RALB: variants seen among roughly 807,000 people sequenced by gnomAD.
RALB encodes ras-related protein Ral-B.
RALB carries 16 observed loss-of-function variants against 21.3 expected under a neutral mutation model. The observed-to-expected ratio is 0.75, with a 90% CI of 0.51 to 1.14. The LOEUF (loss-of-function observed/expected upper bound fraction) is 1.14. RALB is among the 50% of genes most tolerant of loss of function. RALB has a pLI of 0.00. For missense variants in RALB, 161 were observed against 256.2 expected, an observed-to-expected ratio of 0.63 and a Z score of 2.54; for synonymous variants, 93 against 96.1, an observed-to-expected ratio of 0.97 and a Z score of 0.19.
intron 1 of RALB, among the ~76,000 whole-genome samples, chr2:120,246,260 C>T (rs1372813275): frequency 1.3e-5 from 2 of 152,160 alleles, no homozygotes; most frequent in African/African-American, 4.8e-5. Flanking sequence ...TGGCCCATGG[C>T]ACTGCCCCTC....
At chr2:120,242,170 T>C (rs1209007590) in intron 1 of RALB, among the ~76,000 whole-genome samples, 1 of 152,150 alleles carries the variant, frequency 6.6e-6, no homozygotes, top group African/African-American at 2.4e-5. Flanking sequence ...AGACAAATAC[T>C]GTATGATTCC....
At chr2:120,253,173 T>C in intron 1 of RALB, 193 bp downstream of exon 1, 1 of 343,076 alleles carries the variant, frequency 2.9e-6, no homozygotes. Flanking sequence ...GAGGACTCCC[T>C]GGGGGAGTCT....
chr2:120,253,294 C>T, intron 1 of RALB: 2 of 714,764 alleles, frequency 2.8e-6, no homozygotes, highest in Non-Finnish European at 1.7e-6. Flanking sequence ...CTTCCTGCCG[C>T]GGGCCTCCCG....
intron 2 of RALB, among the ~76,000 whole-genome samples, chr2:120,284,947 C>T (rs1443372003): frequency 1.3e-5 from 2 of 152,206 alleles, no homozygotes; most frequent in Admixed American, 6.5e-5. Flanking sequence ...CATGTTGCAG[C>T]GTGCGTTGGT....
rs142315955 is a variant in RALB at position 120,258,834 on chromosome 2, G to T, written c.-48+5854G>T. Among the ~76,000 whole-genome samples, 1,101 of 152,284 alleles carry T rather than the reference G, an allele frequency of 7.2e-3. 14 individuals are homozygous for T. Among genetic ancestry groups the T allele is most frequent in the African/African-American group, 0.025 (1,044 of 41,554 alleles). ...GTGTCCGGAATTGGTGGGTTCTTGG[G>T]CTCACTGACTTCAAGAATGAAGCCG... On this transcript the variant is annotated intron_variant, in intron 1 of 4. Coordinates refer to ENST00000272519, the MANE Select transcript of RALB (RefSeq NM_002881.3).
intron 4 of RALB, 88 bp downstream of exon 4, chr2:120,289,845 T>C (rs1690266023): frequency 2.4e-6 from 3 of 1,276,538 alleles, no homozygotes; most frequent in Non-Finnish European, 3.2e-6. Context: ...TAGGGAACCA[T>C]TTATGAAAAC....
chr2:120,280,588 A>G (rs1215378947), intron 2 of RALB, among the ~76,000 whole-genome samples: 1 of 152,016 alleles, frequency 6.6e-6, no homozygotes, highest in Non-Finnish European at 1.5e-5. Context: ...ATTAGGACAA[A>G]TACCTAATGC....
intron 1 of RALB, among the ~76,000 whole-genome samples, chr2:120,259,823 C>G (rs1031717648): frequency 1.3e-5 from 2 of 152,222 alleles, no homozygotes; most frequent in African/African-American, 4.8e-5. Flanking sequence ...CGGGGAGGCT[C>G]GGGCCGCACA....
At chr2:120,240,338 G>A (rs890933468) in intron 1 of RALB, among the ~76,000 whole-genome samples, 13 of 150,878 alleles carry the variant, frequency 8.6e-5, no homozygotes, top group Non-Finnish European at 1.3e-4. Context: ...AGGCTGGAGT[G>A]CAGTGGCGTG....
At chr2:120,251,005 G>T (rs1164406086), upstream of RALB, among the ~76,000 whole-genome samples, 1 of 152,194 alleles carries the variant, frequency 6.6e-6, no homozygotes, top group East Asian at 1.9e-4. Context: ...AGAAAGCCCT[G>T]TGCATCCTGT....
upstream of RALB, among the ~76,000 whole-genome samples, chr2:120,251,820 T>C (rs1689062373): frequency 6.6e-6 from 1 of 152,188 alleles, no homozygotes; most frequent in African/African-American, 2.4e-5. Flanking sequence ...TTTTGTTAAG[T>C]TGGTCACTTA....
chr2:120,294,029 C>A lies in RALB; in HGVS notation c.*769C>A. ...GTGCATTATAAATGACACACATTGC[C>A]ACTTGTGTAGATATTTTTAAGTTCT... On this transcript the variant is annotated 3_prime_UTR_variant, in exon 5 of 5. Transcript: ENST00000272519. 1 of 397,658 alleles carries A rather than the reference C, an allele frequency of 2.5e-6. No individual in the cohort carries two copies. Among genetic ancestry groups the A allele is most frequent in the South Asian group, 1.4e-4 (1 of 7,132 alleles). 24.6% of individuals were successfully genotyped at this position (397,658 alleles called of 1,614,324 possible). A position where few individuals can be genotyped will look rare whatever the true frequency, so the allele number is the denominator to read the frequency against.
At chr2:120,260,746 C>T (rs1225244860) in intron 1 of RALB, among the ~76,000 whole-genome samples, 1 of 152,238 alleles carries the variant, frequency 6.6e-6, no homozygotes, top group Non-Finnish European at 1.5e-5. Flanking sequence ...GCGGGCCTTC[C>T]CTTTCCAGGC....
intron 1 of RALB, among the ~76,000 whole-genome samples, chr2:120,243,921 CTA>C (rs1299783108): frequency 1.3e-5 from 2 of 152,116 alleles, no homozygotes; most frequent in Non-Finnish European, 2.9e-5. Flanking sequence ...TCTCACACTA[CTA>C]TAAAGAACTA....
At chr2:120,290,702 G>A (rs1434037691) in intron 4 of RALB, among the ~76,000 whole-genome samples, 1 of 151,632 alleles carries the variant, frequency 6.6e-6, no homozygotes, top group Non-Finnish European at 1.5e-5. Flanking sequence ...TAATAAAAGG[G>A]TGACCTTGAG....
At chr2:120,252,573 C>A (rs937903856), upstream of RALB, among the ~76,000 whole-genome samples, 3 of 152,264 alleles carry the variant, frequency 2.0e-5, no homozygotes, top group African/African-American at 7.2e-5. Flanking sequence ...CGGGCAGCTC[C>A]TCCACTGCCG....
In RALB at chr2:120,293,131, TCACCCC is replaced by T. The variant is rs1458436023; in HGVS notation, c.502-7_502-2del. ...CACTATTCTTTTTACTCTTTACTCC[TCACCCC>T]CAGGTGTTCTTTGACCTAATGAGAG... On this transcript the variant is annotated splice_region_variant and splice_polypyrimidine_tract_variant and intron_variant, in intron 4 of 4. Transcript: ENST00000272519. The T allele has an allele frequency of 1.3e-6, 2 of 1,599,066 alleles. No individual in the cohort carries two copies. Among genetic ancestry groups the T allele is most frequent in the Non-Finnish European group, 1.7e-6 (2 of 1,175,228 alleles).
intron 1 of RALB, among the ~76,000 whole-genome samples, chr2:120,278,002 AGT>A (rs1165371190): frequency 1.6e-4 from 23 of 140,712 alleles, no homozygotes; most frequent in East Asian, 8.5e-4. Context: ...TGTGTGTGCG[AGT>A]GTGTGAGCAT....
intron 2 of RALB, among the ~76,000 whole-genome samples, chr2:120,285,658 C>T (rs1266921075): frequency 6.6e-6 from 1 of 152,118 alleles, no homozygotes; most frequent in African/African-American, 2.4e-5. Flanking sequence ...CTGCTCTGTG[C>T]CTGGTTTCCT....
Sources: allele counts gnomAD v4.1 joint callset (sites outside exome capture counted in the v4.1 genomes callset), GRCh38; gene constraint gnomAD v4.1.1; transcripts MANE v1.5; gene names NCBI Gene and HGNC (gene_info 2026-07-23, HGNC 2026-07-21).